The following GLUD1 variants were observed in gnomAD, a reference collection of about 807,000 sequenced individuals.
GLUD1 encodes glutamate dehydrogenase 1.
A neutral mutation model predicts 56.0 loss-of-function variants in GLUD1; 22 were observed. The observed-to-expected ratio is 0.39, with a 90% CI of 0.28 to 0.56. The LOEUF is 0.56. Among genes scored for constraint, GLUD1 ranks in the 20% least tolerant of loss-of-function variants. The pLI, the probability that GLUD1 is intolerant of heterozygous loss-of-function variation, is 0.58. For synonymous variants in GLUD1, 223 were observed against 269.9 expected (o/e 0.83, Z 1.70); for missense variants, 451 against 732.0 (o/e 0.62, Z 4.43).
chr10:87,075,989 C>T lies in GLUD1; in HGVS notation c.561G>A (p.Lys187=), dbSNP rs753099099. ...VPFGGAKAGV[K]INPKNYTDNE... ...TTACAGTATAGTTCTTGGGATTGAT[C>T]TTAACACCAGCTTTAGCACCCCCAA... The change falls in exon 3 of 13, where the codon AAG becomes AAA. Residue 187 remains lysine (K), a synonymous_variant. Transcript: ENST00000277865. The T allele has an allele frequency of 1.9e-6, 3 of 1,597,762 alleles. No homozygotes were observed. The highest frequency in any genetic ancestry group is 1.7e-4 in the Middle Eastern group (1 of 6,030).
chr10:87,067,969 C>A, intron 5 of GLUD1, 94 bp downstream of exon 5: 1 of 755,014 alleles, frequency 1.3e-6, no homozygotes. Flanking sequence ...GAGAGAAAAA[C>A]CCAGGGATTC....
At position 87,084,026 on chromosome 10, in the gene GLUD1, G is replaced by A. The variant is rs188839292; in HGVS notation, c.446-7370C>T. The stretch of plus-strand genomic sequence containing the variant: ...GTACACAGGTGTCAGCCACAGAACT[G>A]ATGCCATTAGAAACATGGCCTAAAA... On this transcript the variant is annotated intron_variant, in intron 1 of 12. Coordinates refer to ENST00000277865, the MANE Select transcript of GLUD1 (RefSeq NM_005271.5). 5.9e-3 allele frequency among the ~76,000 whole-genome samples: 899 copies of A among 152,302 alleles called. 13 individuals are homozygous for A. Among genetic ancestry groups the A allele is most frequent in the African/African-American group, 0.021 (854 of 41,562 alleles).
chr10:87,072,943 C>T (rs545278894), intron 4 of GLUD1, among the ~76,000 whole-genome samples: 4 of 152,330 alleles, frequency 2.6e-5, no homozygotes, highest in Admixed American at 1.3e-4. Flanking sequence ...CTTACGTTAA[C>T]AGACTCCATG....
rs145305589 is a variant in GLUD1, at chr10:87,066,836, T to C, written c.741+1227A>G. Among the ~76,000 whole-genome samples, 1,207 of 152,354 alleles carry C rather than the reference T, an allele frequency of 7.9e-3. 19 individuals carry two copies. Among genetic ancestry groups the C allele is most frequent in the African/African-American group, 0.028 (1,163 of 41,588 alleles). On this transcript the variant is annotated intron_variant, in intron 5 of 12. Coordinates refer to ENST00000277865, the MANE Select transcript of GLUD1 (RefSeq NM_005271.5). ...CTCTTCCTACTCCTGAAATGTTTCA[T>C]TTTTTAAGGTTGCACCCCTTTCAGG...
chr10:87,056,828 TA>T (rs546180802), intron 11 of GLUD1, among the ~76,000 whole-genome samples: 120 of 145,312 alleles, frequency 8.3e-4, no homozygotes, highest in African/African-American at 1.2e-3. Flanking sequence ...GTTAATACAT[TA>T]AAAAAAAAAA....
At chr10:87,072,341 C>T (rs937847171) in intron 4 of GLUD1, among the ~76,000 whole-genome samples, 4 of 152,138 alleles carry the variant, frequency 2.6e-5, no homozygotes, top group African/African-American at 9.7e-5. Flanking sequence ...ATCCCAGCCT[C>T]TTTTTTTCTT....
rs1564760993 is a variant in GLUD1, at chr10:87,053,359, T to C, written c.1540A>G (p.Met514Val). 1 of 1,611,068 alleles carries C rather than the reference T, an allele frequency of 6.2e-7. No homozygotes were observed. The stretch of plus-strand genomic sequence containing the variant: ...ACACATACCCTGGCAGAACGCTCCA[T>C]TGTGTATGCCAAGCCAGAGTGCACG... ...DIVHSGLAYTMERSARQIMRT... is the reference protein window; with the variant it reads ...DIVHSGLAYTVERSARQIMRT... The change falls in exon 12 of 13, where the codon ATG becomes GTG. Residue 514 changes from methionine (M) to valine (V), a missense_variant. Met to Val is a conservative substitution (Grantham distance 21). Transcript: ENST00000277865.
chr10:87,062,763 T>C lies in GLUD1; in HGVS notation c.814A>G (p.Thr272Ala), dbSNP rs1243654639. The change falls in exon 6 of 13, where the codon ACT becomes GCT. Residue 272 changes from threonine to alanine, a missense_variant. Coordinates refer to ENST00000277865, the MANE Select transcript of GLUD1 (RefSeq NM_005271.5). ...ATCCCATGGAAGACACCACGGCCAG[T>C]AGCAGAGATGCGTCCATGGATTCCC... ...QGGIHGRISATGRGVFHGIEN... is the reference protein window; with the variant it reads ...QGGIHGRISAAGRGVFHGIEN... The C allele has an allele frequency of 6.2e-7, 1 of 1,614,176 alleles. No homozygotes were observed. The highest frequency in any genetic ancestry group is 2.2e-5 in the East Asian group (1 of 44,876).
At chr10:87,064,272 T>G (rs1305117489) in intron 5 of GLUD1, among the ~76,000 whole-genome samples, 1 of 152,090 alleles carries the variant, frequency 6.6e-6, no homozygotes, top group East Asian at 1.9e-4. Flanking sequence ...ACAGGTGTAA[T>G]TAGAAAAAAG....
Position 87,060,946 on chromosome 10 carries a change from A to G in GLUD1, c.1028T>C (p.Ile343Thr). 6.2e-7 allele frequency: 1 copy of G among 1,614,168 alleles called. No individual in the cohort carries two copies. Among genetic ancestry groups the G allele is most frequent in the Non-Finnish European group, 8.5e-7 (1 of 1,179,980 alleles). Residue 343 changes from isoleucine (I) to threonine (T), a missense_variant, in exon 7 of 13, where the codon ATT (isoleucine) becomes ACT (threonine). Around this residue, in one of 4 missense-constraint regions of GLUD1, gnomAD observed 248 missense variants for 460.0 expected, o/e 0.54. Coordinates refer to ENST00000277865, the MANE Select transcript of GLUD1 (RefSeq NM_005271.5). ...GAAGTCTTCCAGTTCCTTTGGGTCAATACCATCTGGATTCCATATACTCCC... is the reference window on the plus strand; with the variant it reads ...GAAGTCTTCCAGTTCCTTTGGGTCAGTACCATCTGGATTCCATATACTCCC... ...SDGSIWNPDGIDPKELEDFKL... is the reference protein window; with the variant it reads ...SDGSIWNPDGTDPKELEDFKL...
intron 1 of GLUD1, among the ~76,000 whole-genome samples, chr10:87,081,259 G>A (rs1841241709): frequency 6.8e-6 from 1 of 147,950 alleles, no homozygotes. Flanking sequence ...CCTCTGCCTG[G>A]CTGCCCCTAC....
chr10:87,057,821 G>GAAAA, intron 10 of GLUD1, 39 bp from the exon 11 acceptor site: 4 of 722,442 alleles, frequency 5.5e-6, no homozygotes, highest in South Asian at 1.5e-5. Flanking sequence ...ATTGCTAACA[G>GAAAA]AAAAAAAAAA....
Position 87,061,637 on chromosome 10 carries a change from G to C in GLUD1, c.922-585C>G, listed in dbSNP as rs193034286. ...AAATACAATTTTTTTTTTTTTTTGA[G>C]ACCGAGTCTCATTCTCTCACACAGG... On this transcript the variant is annotated intron_variant, in intron 6 of 12. Coordinates refer to ENST00000277865, the MANE Select transcript of GLUD1 (RefSeq NM_005271.5). Among the ~76,000 whole-genome samples, 161 of 149,330 alleles carry C rather than the reference G, an allele frequency of 1.1e-3. 2 individuals carry two copies. Among genetic ancestry groups the C allele is most frequent in the Admixed American group, 9.3e-3 (140 of 15,044 alleles).
chr10:87,051,638 C>T lies in GLUD1; in HGVS notation c.*113G>A, dbSNP rs766790101. The T allele has an allele frequency of 4.8e-5, 55 of 1,154,732 alleles. No homozygotes were observed. The highest frequency in any genetic ancestry group is 6.7e-5 in the Non-Finnish European group (51 of 762,992). 71.5% of individuals were successfully genotyped at this position (1,154,732 alleles called of 1,614,324 possible). A position where few individuals can be genotyped will look rare whatever the true frequency, so the allele number is the denominator to read the frequency against. ...TGGATTGACTTGTTGAGAATGGTATCCATTATTAATGAGTCAGGAGAGAAA... is the reference window on the plus strand; with the variant it reads ...TGGATTGACTTGTTGAGAATGGTATTCATTATTAATGAGTCAGGAGAGAAA... On this transcript the variant is annotated 3_prime_UTR_variant, in exon 13 of 13. Transcript: ENST00000277865.
rs149425356 is a variant in GLUD1, at chr10:87,083,170, A to G, written c.446-6514T>C. Among the ~76,000 whole-genome samples, 34 of 151,780 alleles carry G rather than the reference A, an allele frequency of 2.2e-4. No homozygotes were observed. The East Asian group carries it at 6.6e-3, about 29-fold the overall frequency. ...GGAGGTTACAGAGAGCTGAGATTGT[A>G]CCACTGCATTCCAGCCTGGGCAACA... On this transcript the variant is annotated intron_variant, in intron 1 of 12. Transcript: ENST00000277865.
chr10:87,059,297 A>T (rs1845868776), intron 9 of GLUD1, 24 bp from the exon 10 acceptor site: 5 of 1,611,704 alleles, frequency 3.1e-6, no homozygotes, highest in Non-Finnish European at 4.2e-6. Context: ...TAAGACAAAG[A>T]AATTAGAAGA....
At chr10:87,092,941 A>C (rs1841550903) in intron 1 of GLUD1, among the ~76,000 whole-genome samples, 1 of 152,176 alleles carries the variant, frequency 6.6e-6, no homozygotes, top group Admixed American at 6.5e-5. Flanking sequence ...TAGGAGACTG[A>C]CGGTGTGTAC....
chr10:87,078,351 C>T (rs1468527706), intron 1 of GLUD1, among the ~76,000 whole-genome samples: 13 of 152,172 alleles, frequency 8.5e-5, no homozygotes, highest in Non-Finnish European at 1.6e-4. Context: ...CTGAGAGGCT[C>T]CCCTTGACCA....
intron 1 of GLUD1, among the ~76,000 whole-genome samples, chr10:87,086,463 T>G (rs2133852584): frequency 6.6e-6 from 1 of 152,326 alleles, no homozygotes; most frequent in South Asian, 2.1e-4. Context: ...AACTTCATTC[T>G]CAGTTCCACT....
Sources: gnomAD v4.1 joint callset for allele counts (sites outside exome capture counted in the v4.1 genomes callset) on GRCh38, gnomAD v4.1.1 for gene constraint, gnomAD v4.1.1 regional missense constraint, MANE v1.5 for transcripts, NCBI Gene and HGNC (gene_info 2026-07-23, HGNC 2026-07-21) for gene names.